Variants in GAB2 observed in about 807,000 individuals in gnomAD.
GAB2 encodes GRB2-associated-binding protein 2.
In GAB2, 26 loss-of-function variants were observed where a neutral mutation model predicts 65.5. The ratio of observed to expected loss-of-function variants is 0.40; its 90% CI spans 0.29 to 0.55. The LOEUF (loss-of-function observed/expected upper bound fraction) is 0.55, where lower values mean the gene tolerates loss of function less well. Ranked by LOEUF, GAB2 falls within the 20% of genes least tolerant of loss-of-function variation. The probability of loss-of-function intolerance (pLI) is 0.53; values close to 1 mark genes in which losing one functional copy is unlikely to be tolerated. For synonymous variants in GAB2, 321 were observed against 329.6 expected (o/e 0.97, Z 0.28); for missense variants, 884 against 875.8 (o/e 1.01, Z -0.12).
intron 1 of GAB2, among the ~76,000 whole-genome samples, chr11:78,393,982 G>A (rs1856864174): frequency 6.6e-6 from 1 of 152,204 alleles, no homozygotes; most frequent in Admixed American, 6.5e-5. Context: ...GCTAATTAAA[G>A]AATTTATTAA....
At chr11:78,413,991 G>A (rs1252442982) in intron 1 of GAB2, among the ~76,000 whole-genome samples, 1 of 151,786 alleles carries the variant, frequency 6.6e-6, no homozygotes, top group Non-Finnish European at 1.5e-5. Flanking sequence ...GGGAGGCTGA[G>A]GCAGGAGAAT....
intron 1 of GAB2, among the ~76,000 whole-genome samples, chr11:78,403,187 G>A (rs1591090813): frequency 6.6e-6 from 1 of 152,298 alleles, no homozygotes; most frequent in East Asian, 1.9e-4. Context: ...AGCCTGAATG[G>A]ACTAAGATAC....
chr11:78,410,696 T>C (rs1857116437), intron 1 of GAB2, among the ~76,000 whole-genome samples: 1 of 152,190 alleles, frequency 6.6e-6, no homozygotes, highest in South Asian at 2.1e-4. Context: ...ACTTCTATAA[T>C]TCAGCCAATA....
intron 1 of GAB2, among the ~76,000 whole-genome samples, chr11:78,407,754 A>AAGAAAGAAAGAAAGAGAG (rs1243235256): frequency 1.3e-5 from 2 of 151,550 alleles, no homozygotes; most frequent in Non-Finnish European, 2.9e-5. Context: ...AAGAAAAAGA[A>AAGAAAGAAAGAAAGAGAG]AGAAAGAAAG....
chr11:78,305,046 G>A (rs1269915590), intron 1 of GAB2, among the ~76,000 whole-genome samples: 5 of 152,304 alleles, frequency 3.3e-5, no homozygotes, highest in South Asian at 2.1e-4. Flanking sequence ...GAGATAGCAC[G>A]GGAACTGAGC....
intron 5 of GAB2, 104 bp downstream of exon 5, chr11:78,225,004 T>C: frequency 2.8e-6 from 2 of 721,430 alleles, no homozygotes. Flanking sequence ...GGTCCTAAGA[T>C]GGAGACGCCA....
At chr11:78,269,404 C>T (rs570689481) in intron 2 of GAB2, among the ~76,000 whole-genome samples, 17 of 152,326 alleles carry the variant, frequency 1.1e-4, no homozygotes, top group African/African-American at 3.4e-4. Flanking sequence ...AGGCTTCTCC[C>T]TGGCTCTCTG....
At chr11:78,292,109 T>G (rs1235700797) in intron 1 of GAB2, among the ~76,000 whole-genome samples, 4 of 152,088 alleles carry the variant, frequency 2.6e-5, no homozygotes, top group Non-Finnish European at 5.9e-5. Context: ...ACAACTGTTA[T>G]GTTCTTCATA....
At chr11:78,292,006 G>GTA (rs1565145844) in intron 1 of GAB2, among the ~76,000 whole-genome samples, 43 of 4,356 alleles carry the variant, frequency 9.9e-3, no homozygotes, top group African/African-American at 0.012. Context: ...GTGTAGGGGT[G>GTA]TGTGTGTGTG....
intron 1 of GAB2, among the ~76,000 whole-genome samples, chr11:78,296,140 G>C (rs971487215): frequency 1.6e-4 from 25 of 152,306 alleles, no homozygotes; most frequent in African/African-American, 5.8e-4. Flanking sequence ...CCGCTGATCT[G>C]ATGGGAGGTG....
At chr11:78,395,541 A>G (rs1290621321) in intron 1 of GAB2, among the ~76,000 whole-genome samples, 1 of 152,212 alleles carries the variant, frequency 6.6e-6, no homozygotes, top group Non-Finnish European at 1.5e-5. Flanking sequence ...TAAACCTTTC[A>G]ATTAGATATA....
At chr11:78,231,052 G>A (rs548182703) in intron 3 of GAB2, among the ~76,000 whole-genome samples, 52 of 152,318 alleles carry the variant, frequency 3.4e-4, no homozygotes, top group African/African-American at 1.2e-3. Flanking sequence ...CATATCACAT[G>A]TGATCTCATT....
At chr11:78,235,311 C>T (rs1450076629) in intron 3 of GAB2, among the ~76,000 whole-genome samples, 10 of 151,860 alleles carry the variant, frequency 6.6e-5, no homozygotes, top group Non-Finnish European at 1.3e-4. Flanking sequence ...CGTCACCATG[C>T]CGGGCTAATT....
At chr11:78,221,992 T>C in intron 7 of GAB2, 113 bp downstream of exon 7, 1 of 770,556 alleles carries the variant, frequency 1.3e-6, no homozygotes, top group Non-Finnish European at 2.3e-6. Context: ...GATCAGCTAA[T>C]GATAGCGTTA....
At chr11:78,220,111 C>T (rs143558829) in intron 9 of GAB2, among the ~76,000 whole-genome samples, 1 of 152,160 alleles carries the variant, frequency 6.6e-6, no homozygotes, top group Non-Finnish European at 1.5e-5. Flanking sequence ...GGTTCTCTGA[C>T]TGAGGGTACT....
intron 1 of GAB2, among the ~76,000 whole-genome samples, chr11:78,307,624 G>C (rs1034350430): frequency 6.6e-6 from 1 of 151,474 alleles, no homozygotes; most frequent in Non-Finnish European, 1.5e-5. Flanking sequence ...GAGAGAGAGA[G>C]AGAGAGAGAG....
chr11:78,327,200 T>A (rs1855838329), intron 1 of GAB2, among the ~76,000 whole-genome samples: 1 of 152,186 alleles, frequency 6.6e-6, no homozygotes, highest in East Asian at 1.9e-4. Context: ...CATATTATCA[T>A]CACTTCTGTA....
chr11:78,227,031 C>T lies in GAB2; in HGVS notation c.641G>A (p.Gly214Asp), dbSNP rs1351088640. The T allele has an allele frequency of 6.8e-6, 11 of 1,610,982 alleles. No individual in the cohort carries two copies. The highest frequency in any genetic ancestry group is 9.3e-6 in the Non-Finnish European group (11 of 1,179,076). Residue 214 changes from glycine to aspartate, a missense_variant, in exon 4 of 10, where the codon GGC becomes GAC. Coordinates refer to ENST00000361507, the MANE Select transcript of GAB2 (RefSeq NM_080491.3). ...CCTCATGAGAAAAGAGGCTCTGGTG[C>T]CCTGAGAGAAGCTGGCACTCCTAAA... ...ENARSASFSQ[G>D]TRASFLMRSD...
At chr11:78,371,570 T>C (rs150159170) in intron 1 of GAB2, among the ~76,000 whole-genome samples, 1 of 152,328 alleles carries the variant, frequency 6.6e-6, no homozygotes, top group Non-Finnish European at 1.5e-5. Context: ...CTGCCCAACA[T>C]TGTTTATATT....
Sources: gnomAD v4.1 joint callset for allele counts (sites outside exome capture counted in the v4.1 genomes callset) on GRCh38, gnomAD v4.1.1 for gene constraint, MANE v1.5 for transcripts, NCBI Gene and HGNC (gene_info 2026-07-23, HGNC 2026-07-21) for gene names.